Variants in ZNF329 observed in about 807,000 individuals in gnomAD.
ZNF329 encodes the protein zinc finger protein 329.
In ZNF329, 15 loss-of-function variants were observed where a neutral mutation model predicts 26.6. The observed-to-expected ratio is 0.56, with a 90% CI of 0.38 to 0.87. The LOEUF (loss-of-function observed/expected upper bound fraction) is 0.87, where lower values mean the gene tolerates loss of function less well. Among genes scored for constraint, ZNF329 ranks in the 40% least tolerant of loss-of-function variants. The pLI, the probability that ZNF329 is intolerant of heterozygous loss-of-function variation, is 0.00. For synonymous variants in ZNF329, 239 were observed against 233.5 expected, an observed-to-expected ratio of 1.02 and a Z score of -0.21; for missense variants, 651 against 651.9, an observed-to-expected ratio of 1.00 and a Z score of 0.02.
At chr19:58,144,638 C>A (rs2075265803) in intron 1 of ZNF329, among the ~76,000 whole-genome samples, 1 of 151,524 alleles carries the variant, frequency 6.6e-6, no homozygotes, top group African/African-American at 2.4e-5. Flanking sequence ...ATCTGCCTGC[C>A]TCGACCTCCC....
intron 3 of ZNF329, among the ~76,000 whole-genome samples, chr19:58,135,480 G>C (rs2075043769): frequency 6.6e-6 from 1 of 152,122 alleles, no homozygotes; most frequent in African/African-American, 2.4e-5. Flanking sequence ...TGACCAGGCT[G>C]GTCTCGCACT....
intron 3 of ZNF329, among the ~76,000 whole-genome samples, chr19:58,142,062 A>C (rs2075202082): frequency 6.6e-6 from 1 of 152,134 alleles, no homozygotes; most frequent in Admixed American, 6.6e-5. Context: ...ACATCTCAAA[A>C]ATAAAATAAA....
chr19:58,147,712 C>A (rs1463937315), intron 1 of ZNF329, among the ~76,000 whole-genome samples: 2 of 148,008 alleles, frequency 1.4e-5, no homozygotes, highest in African/African-American at 5.2e-5. Flanking sequence ...CCCGGCTGCC[C>A]CACTGGGAAG....
chr19:58,144,912 C>T (rs149227263), intron 1 of ZNF329, among the ~76,000 whole-genome samples: 5,376 of 143,034 alleles, frequency 0.038, 351 homozygotes, highest in African/African-American at 0.13. Flanking sequence ...TGCAGTGGTG[C>T]GATCTCTGCT....
chr19:58,139,528 G>A (rs943980257), intron 3 of ZNF329, among the ~76,000 whole-genome samples: 1 of 152,154 alleles, frequency 6.6e-6, no homozygotes, highest in Non-Finnish European at 1.5e-5. Context: ...TGCCTTCACA[G>A]GGTACAGCAG....
upstream of ZNF329, among the ~76,000 whole-genome samples, chr19:58,151,787 A>G (rs1479454327): frequency 2.0e-5 from 3 of 152,212 alleles, no homozygotes; most frequent in African/African-American, 7.2e-5. Context: ...TGGACCAGAT[A>G]GATTGTCCAA....
upstream of ZNF329, chr19:58,154,719 G>A (rs157374): frequency 0.15 from 23,314 of 151,664 alleles, 2,318 homozygotes; most frequent in East Asian, 0.29. Flanking sequence ...CCCAGGCGGA[G>A]GTCGGGGGCC....
At chr19:58,145,078 T>C (rs1432202632) in intron 1 of ZNF329, among the ~76,000 whole-genome samples, 1 of 141,094 alleles carries the variant, frequency 7.1e-6, no homozygotes, top group Non-Finnish European at 1.5e-5. Context: ...CTCGATCTCC[T>C]GACCTCGTGA....
At chr19:58,147,115 T>G (rs1402604754) in intron 1 of ZNF329, among the ~76,000 whole-genome samples, 1 of 150,316 alleles carries the variant, frequency 6.7e-6, no homozygotes, top group Admixed American at 6.6e-5. Flanking sequence ...GGAGCGTCTC[T>G]GCCCGGCCGC....
At chr19:58,151,562 T>A (rs1206503013), upstream of ZNF329, among the ~76,000 whole-genome samples, 1 of 129,498 alleles carries the variant, frequency 7.7e-6, no homozygotes, top group Admixed American at 9.5e-5. Context: ...GATCGTACCA[T>A]CACACTCCAG....
Position 58,128,382 on chromosome 19 carries a change from T to C in ZNF329, c.1122A>G (p.Ala374=), listed in dbSNP as rs1428245525. Reference sequence around the variant, plus strand: ...TTCTGTTGAAGGATTTCCCGCACTCTGCACACTCAAAGGGCTTTTCTCCAG... The same window carrying C: ...TTCTGTTGAAGGATTTCCCGCACTCCGCACACTCAAAGGGCTTTTCTCCAG... The part of the protein sequence containing the change: ...THTGEKPFEC[A]ECGKSFNRNS... The change falls in exon 4 of 4, where the codon GCA becomes GCG. Residue 374 remains alanine (A), a synonymous_variant. Coordinates refer to ENST00000598312, the MANE Select transcript of ZNF329 (RefSeq NM_024620.4). 6.2e-7 allele frequency: 1 copy of C among 1,614,146 alleles called. No homozygotes were observed. Among genetic ancestry groups the C allele is most frequent in the South Asian group, 1.1e-5 (1 of 91,082 alleles).
At chr19:58,144,384 A>ATCTATC (rs1335729765) in intron 1 of ZNF329, among the ~76,000 whole-genome samples, 2,833 of 74,908 alleles carry the variant, frequency 0.038, 43 homozygotes, top group South Asian at 0.064. Flanking sequence ...ATCTATCTAT[A>ATCTATC]TATATATATA....
At chr19:58,148,676 G>T (rs1281405187) in intron 1 of ZNF329, among the ~76,000 whole-genome samples, 1 of 152,068 alleles carries the variant, frequency 6.6e-6, no homozygotes, top group Non-Finnish European at 1.5e-5. Context: ...AACATAGTGA[G>T]ATCTCATCTC....
Position 58,127,066 on chromosome 19 carries a change from A to G in ZNF329, c.*812T>C, listed in dbSNP as rs2074817957. The G allele has an allele frequency of 6.6e-6, 1 of 152,228 alleles. No homozygotes were observed. The highest frequency in any genetic ancestry group is 2.4e-5 in the African/African-American group (1 of 41,454). The allele number at this position is 152,228 out of a possible 1,614,324, so 9.4% of individuals were successfully genotyped here. A position where few individuals can be genotyped will look rare whatever the true frequency, so the allele number is the denominator to read the frequency against. On this transcript the variant is annotated 3_prime_UTR_variant, in exon 4 of 4. Coordinates refer to ENST00000598312, the MANE Select transcript of ZNF329 (RefSeq NM_024620.4). ...GCATTATTGCAGGAGTATAATGCAG[A>G]CATACATTCAAACAGGAAAATCTCA...
At chr19:58,131,233 G>C (rs529312902) in intron 3 of ZNF329, among the ~76,000 whole-genome samples, 47 of 152,002 alleles carry the variant, frequency 3.1e-4, no homozygotes, top group African/African-American at 1.1e-3. Context: ...GGCAGACTTT[G>C]ATCAACAAAA....
intron 3 of ZNF329, among the ~76,000 whole-genome samples, chr19:58,139,642 T>C (rs896697379): frequency 6.6e-6 from 1 of 152,098 alleles, no homozygotes; most frequent in East Asian, 1.9e-4. Context: ...ACAGGCCTCA[T>C]CTCCAAATAC....
intron 3 of ZNF329, among the ~76,000 whole-genome samples, chr19:58,141,618 G>A (rs2075190894): frequency 1.3e-5 from 2 of 152,082 alleles, no homozygotes; most frequent in African/African-American, 4.8e-5. Context: ...TTGGCCAGGT[G>A]CAGTGGTTCA....
chr19:58,146,470 T>C (rs1168749530), intron 1 of ZNF329, among the ~76,000 whole-genome samples: 1 of 135,316 alleles, frequency 7.4e-6, no homozygotes, highest in Non-Finnish European at 1.6e-5. Flanking sequence ...TAAGATTCCA[T>C]CTTTAAAAAA....
At chr19:58,133,671 A>G (rs1474809958) in intron 3 of ZNF329, among the ~76,000 whole-genome samples, 2 of 152,066 alleles carry the variant, frequency 1.3e-5, no homozygotes, top group African/African-American at 4.8e-5. Context: ...AAACCCCAAG[A>G]ACGAAGGAAG....
Sources: allele counts gnomAD v4.1 joint callset (sites outside exome capture counted in the v4.1 genomes callset), GRCh38; gene constraint gnomAD v4.1.1; transcripts MANE v1.5; gene names NCBI Gene and HGNC (gene_info 2026-07-23, HGNC 2026-07-21).